PDE1C: variants seen among roughly 807,000 people sequenced by gnomAD.
PDE1C encodes the protein phosphodiesterase 1C.
A neutral mutation model predicts 93.1 loss-of-function variants in PDE1C; 62 were observed. That is an observed-to-expected ratio of 0.67 (90% CI 0.54 to 0.82). The LOEUF (loss-of-function observed/expected upper bound fraction) is 0.82, where lower values mean the gene tolerates loss of function less well. Among genes scored for constraint, PDE1C ranks in the 40% least tolerant of loss-of-function variants. The pLI is 0.00. For synonymous variants in PDE1C, 325 were observed against 310.1 expected, an observed-to-expected ratio of 1.05 and a Z score of -0.50; for missense variants, 742 against 884.6, an observed-to-expected ratio of 0.84 and a Z score of 2.04.
chr7:31,622,002 CAAAG>C, the PDE1C span, among the ~76,000 whole-genome samples: 1 of 142,116 alleles, frequency 7.0e-6, no homozygotes, highest in East Asian at 2.1e-4. Context: ...TCAAAAGAGA[CAAAG>C]AAGGCCATTA....
intron 2 of PDE1C, among the ~76,000 whole-genome samples, chr7:32,190,762 A>G (rs941783286): frequency 2.0e-5 from 3 of 152,214 alleles, no homozygotes; most frequent in African/African-American, 7.2e-5. Flanking sequence ...CATTAAAGAT[A>G]TACTTAGGAT....
intron 1 of PDE1C, among the ~76,000 whole-genome samples, chr7:32,379,481 T>C (rs1784493170): frequency 6.6e-6 from 1 of 152,212 alleles, no homozygotes. Context: ...CCATGCTTTC[T>C]GATTGTCAGT....
intron 5 of PDE1C, among the ~76,000 whole-genome samples, chr7:31,875,629 G>A (rs754034874): frequency 3.9e-4 from 59 of 151,306 alleles, no homozygotes; most frequent in African/African-American, 1.4e-3. Context: ...CAAAGGAAGC[G>A]TGAACCTCCT....
intron 9 of PDE1C, among the ~76,000 whole-genome samples, chr7:31,841,138 T>A (rs1367928300): frequency 3.3e-5 from 5 of 151,898 alleles, no homozygotes; most frequent in Non-Finnish European, 5.9e-5. Flanking sequence ...GTATTTTATA[T>A]GTTATGTGCT....
At chr7:32,189,313 C>T (rs1804077779) in intron 2 of PDE1C, among the ~76,000 whole-genome samples, 1 of 152,198 alleles carries the variant, frequency 6.6e-6, no homozygotes, top group Admixed American at 6.5e-5. Context: ...ATACACTTGA[C>T]AAACATTTTC....
At chr7:32,039,021 C>T (rs575467394) in intron 2 of PDE1C, among the ~76,000 whole-genome samples, 1 of 152,198 alleles carries the variant, frequency 6.6e-6, no homozygotes, top group African/African-American at 2.4e-5. Flanking sequence ...AATAACTGTG[C>T]TCATGGGCCA....
At chr7:31,904,752 T>C (rs1312771567) in intron 2 of PDE1C, among the ~76,000 whole-genome samples, 2 of 152,138 alleles carry the variant, frequency 1.3e-5, no homozygotes, top group African/African-American at 4.8e-5. Context: ...CTATCCTCTA[T>C]GTTTCATGCC....
intron 3 of PDE1C, among the ~76,000 whole-genome samples, chr7:32,147,984 T>TAAAAAAAAAAAAAAAAAAAAAAAAAAA (rs752433564): frequency 7.5e-5 from 6 of 79,724 alleles, no homozygotes; most frequent in African/African-American, 1.1e-4. Flanking sequence ...CCATTTATGC[T>TAAAAAAAAAAAAAAAAAAAAAAAAAAA]AAAAAAAAAA....
the PDE1C span, among the ~76,000 whole-genome samples, chr7:31,731,229 C>T: frequency 6.6e-6 from 1 of 152,078 alleles, no homozygotes; most frequent in East Asian, 1.9e-4. Flanking sequence ...AAGCACACCT[C>T]ACCAAGCTCA....
chr7:31,679,601 C>A, the PDE1C span, among the ~76,000 whole-genome samples: 1 of 152,216 alleles, frequency 6.6e-6, no homozygotes, highest in South Asian at 2.1e-4. Flanking sequence ...CTAAGCACTT[C>A]TCTCTGAGCA....
chr7:32,415,707 G>A (rs1408624091), intron 1 of PDE1C, among the ~76,000 whole-genome samples: 1 of 143,642 alleles, frequency 7.0e-6, no homozygotes, highest in African/African-American at 3.0e-5. Context: ...CGGTGGGAGA[G>A]GGGCCAGGGA....
At chr7:32,300,454 A>G (rs1184059563), upstream of PDE1C, among the ~76,000 whole-genome samples, 1 of 152,164 alleles carries the variant, frequency 6.6e-6, no homozygotes, top group Non-Finnish European at 1.5e-5. Flanking sequence ...AGTCCTTGAG[A>G]CTGTAATACC....
chr7:32,045,609 A>C (rs1792440962), intron 2 of PDE1C, among the ~76,000 whole-genome samples: 1 of 152,216 alleles, frequency 6.6e-6, no homozygotes, highest in South Asian at 2.1e-4. Flanking sequence ...TGATTTATCC[A>C]GTGTCACCCC....
At chr7:31,685,854 G>A in the PDE1C span, among the ~76,000 whole-genome samples, 2 of 152,192 alleles carry the variant, frequency 1.3e-5, no homozygotes, top group South Asian at 2.1e-4. Context: ...CTCTTCCCAG[G>A]AGGTCCCAAT....
chr7:31,721,620 C>T, the PDE1C span, among the ~76,000 whole-genome samples: 1 of 152,144 alleles, frequency 6.6e-6, no homozygotes, highest in East Asian at 1.9e-4. Context: ...TTAGCATCCT[C>T]ATGTATCAGA....
intron 1 of PDE1C, among the ~76,000 whole-genome samples, chr7:32,425,104 G>A (rs1785502337): frequency 6.6e-6 from 1 of 151,454 alleles, no homozygotes. Context: ...TATACACACA[G>A]ACATTATATT....
intron 2 of PDE1C, among the ~76,000 whole-genome samples, chr7:32,207,553 T>A (rs190212606): frequency 2.6e-4 from 39 of 152,316 alleles, no homozygotes; most frequent in Admixed American, 2.4e-3. Flanking sequence ...ACAAAAGGAC[T>A]TAGTAGCTCA....
intron 1 of PDE1C, among the ~76,000 whole-genome samples, chr7:32,317,622 T>C (rs1028237510): frequency 5.3e-5 from 8 of 152,080 alleles, no homozygotes; most frequent in Non-Finnish European, 1.0e-4. Flanking sequence ...ATTTTCATCA[T>C]AACCATACTC....
chr7:31,649,619 G>A, the PDE1C span, among the ~76,000 whole-genome samples: 1 of 152,168 alleles, frequency 6.6e-6, no homozygotes, highest in African/African-American at 2.4e-5. Context: ...TTTGGGAAGG[G>A]GTCCAAGCCT....
Sources: gnomAD v4.1 joint callset for allele counts (sites outside exome capture counted in the v4.1 genomes callset) on GRCh38, gnomAD v4.1.1 for gene constraint, MANE v1.5 for transcripts, NCBI Gene and HGNC (gene_info 2026-07-23, HGNC 2026-07-21) for gene names.